Variants in EDIL3 observed in about 807,000 individuals in gnomAD.
EDIL3 encodes the protein EGF like and discoidin domains 3.
EDIL3 carries 37 observed loss-of-function variants against 67.4 expected under a neutral mutation model. The observed-to-expected ratio is 0.55, with a 90% CI of 0.42 to 0.72. The LOEUF is 0.72. Among genes scored for constraint, EDIL3 ranks in the 30% least tolerant of loss-of-function variants. The probability of loss-of-function intolerance (pLI) is 0.00; values close to 1 mark genes in which losing one functional copy is unlikely to be tolerated. For synonymous variants in EDIL3, 195 were observed against 196.3 expected, an observed-to-expected ratio of 0.99 and a Z score of 0.05; for missense variants, 527 against 586.3, an observed-to-expected ratio of 0.90 and a Z score of 1.04.
chr5:84,331,521 A>T (rs1423982546), intron 1 of EDIL3, among the ~76,000 whole-genome samples: 1 of 152,050 alleles, frequency 6.6e-6, no homozygotes, highest in Admixed American at 6.6e-5. Context: ...TGCACTTCTC[A>T]TTCCTGCTGC....
intron 5 of EDIL3, among the ~76,000 whole-genome samples, chr5:84,123,184 A>G (rs970805404): frequency 2.6e-5 from 4 of 151,980 alleles, no homozygotes; most frequent in South Asian, 2.1e-4. Flanking sequence ...ATTATTTTCA[A>G]TGCTAACATC....
In EDIL3 at chr5:84,066,616, C is replaced by T. The variant is rs370757817; in HGVS notation, c.652-10G>A. On this transcript the variant is annotated splice_polypyrimidine_tract_variant and intron_variant, in intron 6 of 10. Transcript: ENST00000296591. ...TCCTTTGCAAATTTATCTGAAAAGA[C>T]GAGCACAACCAACAATAATCTTATT... 73 of 1,610,122 alleles carry T rather than the reference C, an allele frequency of 4.5e-5. No individual in the cohort carries two copies. In the Middle Eastern group the frequency reaches 8.3e-4, roughly 18 times the overall value.
intron 1 of EDIL3, among the ~76,000 whole-genome samples, chr5:84,323,326 A>G (rs1316869557): frequency 2.6e-5 from 4 of 152,130 alleles, no homozygotes; most frequent in Admixed American, 2.0e-4. Flanking sequence ...TTGTTGATCA[A>G]AGTTAAGCTA....
rs575587717 is a variant in EDIL3, at chr5:84,248,670, A to G, written c.196+5414T>C. The stretch of plus-strand genomic sequence containing the variant: ...ATACTGAACTCTCCTTCTGCCTCCC[A>G]ATCCTGTGTATTGTCATTTATAATA... On this transcript the variant is annotated intron_variant, in intron 2 of 10. Coordinates refer to ENST00000296591, the MANE Select transcript of EDIL3 (RefSeq NM_005711.5). Among the ~76,000 whole-genome samples the G allele has an allele frequency of 6.6e-5, 10 of 152,288 alleles. No homozygotes were observed. In the South Asian group the frequency reaches 2.1e-3, roughly 32 times the overall value.
intron 4 of EDIL3, among the ~76,000 whole-genome samples, chr5:84,144,406 A>C (rs1004406204): frequency 3.9e-5 from 6 of 152,042 alleles, no homozygotes; most frequent in Non-Finnish European, 8.8e-5. Flanking sequence ...CTCTTACAGT[A>C]GAGTAGATAG....
At chr5:84,175,013 G>A (rs1580361239) in intron 4 of EDIL3, among the ~76,000 whole-genome samples, 1 of 152,178 alleles carries the variant, frequency 6.6e-6, no homozygotes, top group Non-Finnish European at 1.5e-5. Flanking sequence ...ACTGCCAGGT[G>A]GAGGGTGTTA....
At chr5:84,276,917 A>C (rs997682975) in intron 1 of EDIL3, among the ~76,000 whole-genome samples, 39 of 152,068 alleles carry the variant, frequency 2.6e-4, no homozygotes, top group African/African-American at 9.2e-4. Flanking sequence ...AAGTATTTTT[A>C]GTTATATATA....
chr5:84,129,254 G>A (rs780382479), intron 5 of EDIL3, among the ~76,000 whole-genome samples: 33 of 152,142 alleles, frequency 2.2e-4, no homozygotes, highest in Non-Finnish European at 4.1e-4. Flanking sequence ...CTGCAGTAAC[G>A]TTGAAATTGT....
At chr5:83,974,925 C>T (rs1478141602) in intron 9 of EDIL3, among the ~76,000 whole-genome samples, 1 of 151,842 alleles carries the variant, frequency 6.6e-6, no homozygotes, top group Non-Finnish European at 1.5e-5. Flanking sequence ...ATATCTATTT[C>T]CTTAATATAG....
At chr5:84,257,705 G>A (rs1209194487) in intron 1 of EDIL3, among the ~76,000 whole-genome samples, 4 of 152,048 alleles carry the variant, frequency 2.6e-5, no homozygotes, top group Non-Finnish European at 5.9e-5. Context: ...GAAAATGTCC[G>A]ATTAAGCTAT....
At chr5:84,341,967 G>T (rs1747126117) in intron 1 of EDIL3, among the ~76,000 whole-genome samples, 1 of 151,892 alleles carries the variant, frequency 6.6e-6, no homozygotes, top group Non-Finnish European at 1.5e-5. Context: ...ACTGTGCTAT[G>T]GCCATAGACC....
chr5:84,211,426 G>A (rs1003554989), intron 3 of EDIL3, among the ~76,000 whole-genome samples: 2 of 152,140 alleles, frequency 1.3e-5, no homozygotes, highest in Non-Finnish European at 2.9e-5. Flanking sequence ...AGAACTATGA[G>A]CCAAATAAAC....
chr5:84,241,408 T>C (rs1744791387), intron 2 of EDIL3, among the ~76,000 whole-genome samples: 1 of 152,348 alleles, frequency 6.6e-6, no homozygotes, highest in African/African-American at 2.4e-5. Context: ...ATTATACCTT[T>C]ACAGGATTCC....
At chr5:84,039,324 A>G (rs1164736594) in intron 9 of EDIL3, among the ~76,000 whole-genome samples, 1 of 152,142 alleles carries the variant, frequency 6.6e-6, no homozygotes, top group African/African-American at 2.4e-5. Context: ...GATCACCTGA[A>G]TTTATCTGTG....
At chr5:84,377,229 T>C (rs749024526) in intron 1 of EDIL3, among the ~76,000 whole-genome samples, 36 of 148,620 alleles carry the variant, frequency 2.4e-4, no homozygotes, top group Non-Finnish European at 1.3e-4. Context: ...AGGAGAATGG[T>C]GTGAACCCGG....
At chr5:84,053,402 G>A (rs1746378574) in intron 9 of EDIL3, among the ~76,000 whole-genome samples, 1 of 152,112 alleles carries the variant, frequency 6.6e-6, no homozygotes, top group African/African-American at 2.4e-5. Flanking sequence ...AAAAGAACTA[G>A]AAAAGCAAGA....
At chr5:83,971,966 G>A (rs1420157721) in intron 9 of EDIL3, among the ~76,000 whole-genome samples, 2 of 152,104 alleles carry the variant, frequency 1.3e-5, no homozygotes, top group East Asian at 3.9e-4. Context: ...AGATTTTGCT[G>A]AGATAACTGA....
At chr5:84,180,258 G>C in intron 4 of EDIL3, 135 bp downstream of exon 4, 2 of 935,316 alleles carry the variant, frequency 2.1e-6, no homozygotes, top group Non-Finnish European at 1.5e-6. Flanking sequence ...TTCCATGGGA[G>C]AGAAGCAGCA....
Position 84,256,144 on chromosome 5 carries a change from CT to C in EDIL3, c.68-1933del, listed in dbSNP as rs59723679. ...ACTATCTATCTATCTATCTATCTATCTATCATCTATCTATCTATCCATTTAT... is the reference window on the plus strand; with the variant it reads ...ACTATCTATCTATCTATCTATCTATCATCATCTATCTATCTATCCATTTAT... On this transcript the variant is annotated intron_variant, in intron 1 of 10. Transcript: ENST00000296591. 8.2e-3 allele frequency among the ~76,000 whole-genome samples: 817 copies of C among 99,896 alleles called. 6 individuals carry two copies. Among genetic ancestry groups the C allele is most frequent in the African/African-American group, 0.027 (700 of 25,722 alleles). 65.5% of individuals were successfully genotyped at this position (99,896 alleles called of 152,430 possible). A position where few individuals can be genotyped will look rare whatever the true frequency, so the allele number is the denominator to read the frequency against.
Sources: allele counts gnomAD v4.1 joint callset (sites outside exome capture counted in the v4.1 genomes callset), GRCh38; gene constraint gnomAD v4.1.1; transcripts MANE v1.5; gene names NCBI Gene and HGNC (gene_info 2026-07-23, HGNC 2026-07-21).